GFOD1: variants seen among roughly 807,000 people sequenced by gnomAD.
GFOD1 encodes the protein Gfo/Idh/MocA-like oxidoreductase domain containing 1.
A neutral mutation model predicts 25.4 loss-of-function variants in GFOD1; 9 were observed. The ratio of observed to expected loss-of-function variants is 0.35; its 90% CI spans 0.21 to 0.62. The LOEUF (loss-of-function observed/expected upper bound fraction) is 0.62, where lower values mean the gene tolerates loss of function less well. GFOD1 is among the 20% of genes least tolerant of loss of function. The pLI is 0.72. For synonymous variants in GFOD1, 253 were observed against 245.6 expected, an observed-to-expected ratio of 1.03 and a Z score of -0.28; for missense variants, 403 against 556.9, an observed-to-expected ratio of 0.72 and a Z score of 2.78.
At chr6:13,394,024 AC>A (rs946395013) in intron 1 of GFOD1, among the ~76,000 whole-genome samples, 1 of 151,894 alleles carries the variant, frequency 6.6e-6, no homozygotes, top group African/African-American at 2.4e-5. Context: ...TGATCCACCC[AC>A]CTCGGCCTCC....
At chr6:13,392,954 T>C (rs947367590) in intron 1 of GFOD1, among the ~76,000 whole-genome samples, 1 of 151,436 alleles carries the variant, frequency 6.6e-6, no homozygotes, top group African/African-American at 2.4e-5. Context: ...CCCAGCCACT[T>C]GGGGGGCTGA....
Position 13,361,231 on chromosome 6 carries a change from C to G in GFOD1, c.*3512G>C. 4.8e-6 allele frequency: 1 copy of G among 208,026 alleles called. No individual in the cohort carries two copies. Among genetic ancestry groups the G allele is most frequent in the Non-Finnish European group, 9.9e-6 (1 of 100,688 alleles). 12.9% of individuals were successfully genotyped at this position (208,026 alleles called of 1,614,324 possible). On this transcript the variant is annotated 3_prime_UTR_variant, in exon 2 of 2. Transcript: ENST00000379287. Reference sequence around the variant, plus strand: ...GCAATTGTCTGTTGAGAGGAGAAGTCTTGGAGGAGCTGACAGTGATCACAG... The same window carrying G: ...GCAATTGTCTGTTGAGAGGAGAAGTGTTGGAGGAGCTGACAGTGATCACAG...
Position 13,487,132 on chromosome 6 carries a change from C to A in GFOD1, c.-242G>T, listed in dbSNP as rs985460038. The stretch of plus-strand genomic sequence containing the variant: ...TCCGCCACGCGGGGCTCGCGTCCTT[C>A]CCGGAGTCGGCGGCAGGGACCCCCC... On this transcript the variant is annotated 5_prime_UTR_variant, in exon 1 of 2. Transcript: ENST00000379287. This position sits in a 1 kb window ranked among gnomAD's most constrained non-coding sequence, Gnocchi z 4.9. The A allele has an allele frequency of 4.9e-5, 23 of 465,204 alleles. 1 individual carries two copies. In the South Asian group the frequency reaches 8.9e-4, roughly 18 times the overall value. The allele number at this position is 465,204 out of a possible 1,614,324, so 28.8% of individuals were successfully genotyped here.
intron 1 of GFOD1, among the ~76,000 whole-genome samples, chr6:13,474,935 A>G (rs1758583754): frequency 6.6e-6 from 1 of 152,180 alleles, no homozygotes; most frequent in South Asian, 2.1e-4. Flanking sequence ...GGCAAAACTA[A>G]TTTCTCTTGG....
At chr6:13,390,777 GAGAA>G (rs1785580626) in intron 1 of GFOD1, among the ~76,000 whole-genome samples, 1 of 75,424 alleles carries the variant, frequency 1.3e-5, no homozygotes, top group African/African-American at 4.7e-5. Flanking sequence ...GAGAGAGAGA[GAGAA>G]AGGAAGGAAG....
chr6:13,425,884 AAG>A (rs1015735534), intron 1 of GFOD1, among the ~76,000 whole-genome samples: 12 of 133,592 alleles, frequency 9.0e-5, no homozygotes, highest in African/African-American at 2.4e-4. Flanking sequence ...AAAAAAAAAA[AAG>A]AAGAAGAAAG....
chr6:13,393,538 G>A (rs183763384), intron 1 of GFOD1, among the ~76,000 whole-genome samples: 61 of 152,068 alleles, frequency 4.0e-4, no homozygotes, highest in Non-Finnish European at 8.7e-4. Flanking sequence ...CTCCATCACG[G>A]TACCATAACA....
intron 1 of GFOD1, among the ~76,000 whole-genome samples, chr6:13,431,114 C>G (rs1757741717): frequency 6.6e-6 from 1 of 152,180 alleles, no homozygotes; most frequent in Non-Finnish European, 1.5e-5. Context: ...ATGTTATATT[C>G]TGCAAAGAAG....
At chr6:13,373,661 CACTT>C (rs1584610064) in intron 1 of GFOD1, among the ~76,000 whole-genome samples, 1 of 152,034 alleles carries the variant, frequency 6.6e-6, no homozygotes, top group Non-Finnish European at 1.5e-5. Flanking sequence ...CTCTCTCACT[CACTT>C]ACTGCAACAC....
chr6:13,391,242 C>G (rs1014884582), intron 1 of GFOD1, among the ~76,000 whole-genome samples: 1 of 150,566 alleles, frequency 6.6e-6, no homozygotes, highest in Non-Finnish European at 1.5e-5. Context: ...AATTATCTGA[C>G]GGTGCTAGCT....
At position 13,486,911 on chromosome 6, in the gene GFOD1, T is replaced by C. The variant is rs1374440292; in HGVS notation, c.-21A>G. The C allele has an allele frequency of 1.9e-6, 3 of 1,601,330 alleles. No homozygotes were observed. The highest frequency in any genetic ancestry group is 2.5e-6 in the Non-Finnish European group (3 of 1,178,192). Reference sequence around the variant, plus strand: ...AGCATGGCTGCTCAGAGCCGCCTGGTTCTGCTTCTGCTCGGATCTCCAGTC... The same window carrying C: ...AGCATGGCTGCTCAGAGCCGCCTGGCTCTGCTTCTGCTCGGATCTCCAGTC... On this transcript the variant is annotated 5_prime_UTR_variant, in exon 1 of 2. Coordinates refer to ENST00000379287, the MANE Select transcript of GFOD1 (RefSeq NM_018988.4).
intron 1 of GFOD1, among the ~76,000 whole-genome samples, chr6:13,429,901 G>C (rs1757719310): frequency 6.6e-6 from 1 of 152,084 alleles, no homozygotes. Context: ...AGAGTGGTAT[G>C]GCAGGTTGTA....
At chr6:13,448,523 G>T (rs1758043501) in intron 1 of GFOD1, among the ~76,000 whole-genome samples, 1 of 152,188 alleles carries the variant, frequency 6.6e-6, no homozygotes, top group South Asian at 2.1e-4. Flanking sequence ...TAAGCCTCAG[G>T]TCCCCTTCAC....
Position 13,364,293 on chromosome 6 carries a change from G to T in GFOD1, c.*450C>A, listed in dbSNP as rs1234564912. On this transcript the variant is annotated 3_prime_UTR_variant, in exon 2 of 2. Coordinates refer to ENST00000379287, the MANE Select transcript of GFOD1 (RefSeq NM_018988.4). This position sits in a 1 kb window ranked among gnomAD's most constrained non-coding sequence, Gnocchi z 4.1. ...ACACGCTTCTGTGGACTGTGAAAAT[G>T]GGCCTTCTCCTGCCAGCAGTGGGTA... 2.3e-5 allele frequency: 4 copies of T among 171,248 alleles called. No individual in the cohort carries two copies. Among genetic ancestry groups the T allele is most frequent in the African/African-American group, 7.1e-5 (3 of 41,964 alleles). 10.6% of individuals were successfully genotyped at this position (171,248 alleles called of 1,614,324 possible). A position where few individuals can be genotyped will look rare whatever the true frequency, so the allele number is the denominator to read the frequency against.
intron 1 of GFOD1, among the ~76,000 whole-genome samples, chr6:13,482,205 TATAA>T (rs1758768180): frequency 6.7e-6 from 1 of 148,694 alleles, no homozygotes; most frequent in Admixed American, 6.7e-5. Flanking sequence ...TATGTAAAGA[TATAA>T]ATATACATAA....
intron 1 of GFOD1, among the ~76,000 whole-genome samples, chr6:13,433,651 T>G (rs1264331808): frequency 2.0e-5 from 3 of 152,120 alleles, no homozygotes; most frequent in Non-Finnish European, 4.4e-5. Flanking sequence ...AGTTTTCATG[T>G]GGGGTTGGGG....
chr6:13,445,564 T>C (rs753816428), intron 1 of GFOD1, among the ~76,000 whole-genome samples: 13 of 152,184 alleles, frequency 8.5e-5, no homozygotes, highest in South Asian at 2.1e-4. Context: ...CCCCTCCAAG[T>C]ATGGTTCTGA....
intron 1 of GFOD1, among the ~76,000 whole-genome samples, chr6:13,479,277 G>A (rs964432750): frequency 6.6e-6 from 1 of 152,098 alleles, no homozygotes; most frequent in African/African-American, 2.4e-5. Flanking sequence ...AGAGAGCTGA[G>A]GGCAGCTGCC....
chr6:13,421,663 T>G (rs1462518974), intron 1 of GFOD1, among the ~76,000 whole-genome samples: 2 of 152,198 alleles, frequency 1.3e-5, no homozygotes. Flanking sequence ...ACTGCAATCT[T>G]TATTAGCCTT....
Sources: gnomAD v4.1 joint callset for allele counts (sites outside exome capture counted in the v4.1 genomes callset) on GRCh38, gnomAD v4.1.1 for gene constraint, Gnocchi (gnomAD v3.1) non-coding constraint, MANE v1.5 for transcripts, NCBI Gene and HGNC (gene_info 2026-07-23, HGNC 2026-07-21) for gene names.